Variants in RFC3 observed in about 807,000 individuals in gnomAD.
RFC3 encodes A1 38 kDa subunit.
In RFC3, 41 loss-of-function variants were observed where a neutral mutation model predicts 45.1. The observed-to-expected ratio is 0.91, with a 90% confidence interval of 0.71 to 1.18. The LOEUF (loss-of-function observed/expected upper bound fraction) is 1.18. Among genes scored for constraint, RFC3 ranks in the 50% most tolerant of loss-of-function variants. RFC3 has a pLI of 0.00. For missense variants in RFC3, 423 were observed against 428.1 expected, an observed-to-expected ratio of 0.99 and a Z score of 0.10; for synonymous variants, 149 against 144.0, an observed-to-expected ratio of 1.03 and a Z score of -0.25.
chr13:33,832,899 G>A lies in RFC3; in HGVS notation c.809+1545G>A, dbSNP rs548476821. Among the ~76,000 whole-genome samples, 47 of 152,218 alleles carry A rather than the reference G, an allele frequency of 3.1e-4. No individual in the cohort carries two copies. The South Asian group carries it at 8.9e-3, about 29-fold the overall frequency. On this transcript the variant is annotated intron_variant, in intron 7 of 8. Transcript: ENST00000380071. ...GGTTGTAATGTTTGATAATTATCAC[G>A]TGCTTTTATAAAACTACTTGATTAT...
intron 8 of RFC3, among the ~76,000 whole-genome samples, chr13:33,927,610 T>C (rs955036977): frequency 1.1e-4 from 16 of 152,182 alleles, no homozygotes; most frequent in Admixed American, 2.0e-4. Context: ...GTTTTTGTTA[T>C]TGGGCCAGCC....
intron 8 of RFC3, among the ~76,000 whole-genome samples, chr13:33,946,624 GT>G (rs1435577332): frequency 2.0e-5 from 3 of 151,974 alleles, no homozygotes; most frequent in Admixed American, 6.6e-5. Flanking sequence ...TTATATTTTT[GT>G]AAATCTCTTT....
chr13:33,939,234 TTTA>T (rs2082908615), intron 8 of RFC3, among the ~76,000 whole-genome samples: 2 of 152,166 alleles, frequency 1.3e-5, no homozygotes, highest in Non-Finnish European at 2.9e-5. Flanking sequence ...TATAGTCCAA[TTTA>T]TCCATCCCAC....
At chr13:33,961,172 G>C (rs536187126) in intron 8 of RFC3, among the ~76,000 whole-genome samples, 4 of 152,006 alleles carry the variant, frequency 2.6e-5, no homozygotes, top group Non-Finnish European at 5.9e-5. Flanking sequence ...TGGCCACCCC[G>C]CCTATTACAC....
At chr13:33,973,038 G>A in the RFC3 span, among the ~76,000 whole-genome samples, 2 of 152,062 alleles carry the variant, frequency 1.3e-5, no homozygotes, top group Non-Finnish European at 2.9e-5. Flanking sequence ...CAGCTTTGAA[G>A]GATGATATAG....
At chr13:33,953,385 A>G (rs1372362888) in intron 8 of RFC3, among the ~76,000 whole-genome samples, 2 of 151,580 alleles carry the variant, frequency 1.3e-5, no homozygotes, top group African/African-American at 4.8e-5. Flanking sequence ...TTCTCCTGGA[A>G]GCCTTTCAAT....
chr13:33,960,450 A>G (rs1443109799), intron 8 of RFC3, among the ~76,000 whole-genome samples: 1 of 152,124 alleles, frequency 6.6e-6, no homozygotes, highest in Non-Finnish European at 1.5e-5. Flanking sequence ...ATAAAAATGC[A>G]CTGTAATTAT....
chr13:33,833,159 A>G (rs1039351992), intron 7 of RFC3, among the ~76,000 whole-genome samples: 25 of 152,194 alleles, frequency 1.6e-4, no homozygotes, highest in African/African-American at 5.8e-4. Flanking sequence ...TCACTGGGCT[A>G]CACAATTCCA....
At chr13:33,885,117 G>A (rs2137610992) in intron 8 of RFC3, among the ~76,000 whole-genome samples, 1 of 152,152 alleles carries the variant, frequency 6.6e-6, no homozygotes, top group South Asian at 2.1e-4. Context: ...TTGATTAGTC[G>A]GCCTTGGGCT....
intron 8 of RFC3, among the ~76,000 whole-genome samples, chr13:33,907,022 G>C (rs946322717): frequency 2.6e-5 from 4 of 151,956 alleles, no homozygotes; most frequent in African/African-American, 9.7e-5. Context: ...TATAGTGATA[G>C]GGTCTCACTA....
chr13:33,895,405 A>C (rs1434104234), intron 8 of RFC3, among the ~76,000 whole-genome samples: 1 of 152,316 alleles, frequency 6.6e-6, no homozygotes, highest in Non-Finnish European at 1.5e-5. Flanking sequence ...GTCACTAATC[A>C]TCAGGAATAT....
intron 8 of RFC3, among the ~76,000 whole-genome samples, chr13:33,915,712 G>A (rs1363501189): frequency 1.3e-5 from 2 of 151,962 alleles, no homozygotes; most frequent in African/African-American, 4.8e-5. Context: ...TGTTATTTTA[G>A]TGTGATTAAA....
intron 8 of RFC3, among the ~76,000 whole-genome samples, chr13:33,887,304 C>T (rs1156762968): frequency 6.6e-6 from 1 of 151,064 alleles, no homozygotes; most frequent in Non-Finnish European, 1.5e-5. Flanking sequence ...CTGTTGTTTC[C>T]TGACTTTTTA....
intron 8 of RFC3, among the ~76,000 whole-genome samples, chr13:33,927,568 G>A (rs147062077): frequency 1.6e-3 from 246 of 152,238 alleles, no homozygotes; most frequent in African/African-American, 5.4e-3. Context: ...GACTCATGTA[G>A]CAATTAAGGC....
chr13:33,834,298 G>GTGTGTGTATATATATATATATA (rs1302839326), intron 7 of RFC3, among the ~76,000 whole-genome samples: 47 of 109,182 alleles, frequency 4.3e-4, no homozygotes, highest in African/African-American at 1.7e-3. Context: ...TGTACTGTGT[G>GTGTGTGTATATATATATATATA]TATATATATA....
At chr13:33,864,088 G>C (rs1363922234) in intron 8 of RFC3, among the ~76,000 whole-genome samples, 2 of 152,122 alleles carry the variant, frequency 1.3e-5, no homozygotes, top group Admixed American at 1.3e-4. Context: ...AGGCGATGGG[G>C]GACCTGGAGT....
At chr13:33,870,134 C>T (rs1282397439) in intron 8 of RFC3, among the ~76,000 whole-genome samples, 2 of 152,188 alleles carry the variant, frequency 1.3e-5, no homozygotes, top group African/African-American at 2.4e-5. Flanking sequence ...TGAAAATCCT[C>T]ATAAAATCTG....
At chr13:33,900,777 A>G (rs9570557) in intron 8 of RFC3, among the ~76,000 whole-genome samples, 8 of 151,120 alleles carry the variant, frequency 5.3e-5, no homozygotes, top group Non-Finnish European at 8.9e-5. Context: ...TGAAAACTAT[A>G]CATCTGACAA....
chr13:33,837,153 G>A lies in RFC3; in HGVS notation c.*858G>A, dbSNP rs1268955063. 1 of 704,772 alleles carries A rather than the reference G, an allele frequency of 1.4e-6. No homozygotes were observed. The highest frequency in any genetic ancestry group is 1.9e-5 in the African/African-American group (1 of 51,612). The allele number at this position is 704,772 out of a possible 1,614,324, so 43.7% of individuals were successfully genotyped here. On this transcript the variant is annotated 3_prime_UTR_variant, in exon 9 of 9. Transcript: ENST00000380071. ...GGGTACAGTTTGATTTTTGACCAGT[G>A]AAACTATGATCCCAATCAAGGTATA...
Sources: allele counts gnomAD v4.1 joint callset (sites outside exome capture counted in the v4.1 genomes callset), GRCh38; gene constraint gnomAD v4.1.1; transcripts MANE v1.5; gene names NCBI Gene and HGNC (gene_info 2026-07-23, HGNC 2026-07-21).